The following ZCCHC7 variants were observed in gnomAD, a reference collection of about 807,000 sequenced individuals.
ZCCHC7 encodes zinc finger CCHC-type containing 7.
In ZCCHC7, 35 loss-of-function variants were observed where a neutral mutation model predicts 52.0. That is an observed-to-expected ratio of 0.67 (90% CI 0.51 to 0.89). The LOEUF is 0.89. ZCCHC7 is among the 40% of genes least tolerant of loss of function. The probability of loss-of-function intolerance (pLI) is 0.00; values close to 1 mark genes in which losing one functional copy is unlikely to be tolerated. For missense variants in ZCCHC7, 574 were observed against 649.1 expected, an observed-to-expected ratio of 0.88 and a Z score of 1.26; for synonymous variants, 217 against 221.5, an observed-to-expected ratio of 0.98 and a Z score of 0.18.
intron 5 of ZCCHC7, among the ~76,000 whole-genome samples, chr9:37,324,396 T>C (rs996089236): frequency 6.6e-6 from 1 of 152,228 alleles, no homozygotes; most frequent in Non-Finnish European, 1.5e-5. Flanking sequence ...CATTCTGTTA[T>C]TGTATGCTTG....
chr9:37,174,993 C>T (rs909372989), intron 2 of ZCCHC7, among the ~76,000 whole-genome samples: 6 of 151,888 alleles, frequency 4.0e-5, no homozygotes, highest in East Asian at 1.9e-4. Flanking sequence ...AAAAATTAGC[C>T]GGGCATGGTG....
chr9:37,163,185 G>A (rs1240419653), intron 2 of ZCCHC7, among the ~76,000 whole-genome samples: 1 of 151,780 alleles, frequency 6.6e-6, no homozygotes, highest in Non-Finnish European at 1.5e-5. Context: ...TGGCAACAGA[G>A]TGAGACTCTG....
At chr9:37,338,254 GCTT>G (rs1382827358) in intron 6 of ZCCHC7, among the ~76,000 whole-genome samples, 1 of 152,044 alleles carries the variant, frequency 6.6e-6, no homozygotes, top group African/African-American at 2.4e-5. Flanking sequence ...TAAAACTCGT[GCTT>G]CTTTTTAGTT....
At chr9:37,321,544 G>T (rs977224171) in intron 5 of ZCCHC7, among the ~76,000 whole-genome samples, 1 of 152,056 alleles carries the variant, frequency 6.6e-6, no homozygotes, top group Non-Finnish European at 1.5e-5. Context: ...TGAAAAGATC[G>T]CCTGGGGCCA....
chr9:37,153,557 T>G (rs1336890364), intron 2 of ZCCHC7, among the ~76,000 whole-genome samples: 1 of 151,854 alleles, frequency 6.6e-6, no homozygotes, highest in African/African-American at 2.4e-5. Context: ...CAAGTGATTC[T>G]CCTGCCTCGG....
At chr9:37,296,881 T>TGTGTGTGTGTGTGTGTGTG in intron 2 of ZCCHC7, among the ~76,000 whole-genome samples, 1 of 124,136 alleles carries the variant, frequency 8.1e-6, no homozygotes. Flanking sequence ...CCTGGCTAGT[T>TGTGTGTGTGTGTGTGTGTG]TGTGTGTGTG....
intron 2 of ZCCHC7, among the ~76,000 whole-genome samples, chr9:37,191,654 A>G (rs1823026972): frequency 6.6e-6 from 1 of 152,182 alleles, no homozygotes; most frequent in South Asian, 2.1e-4. Context: ...ATTTAAATTA[A>G]TCCGATTATA....
chr9:37,280,339 G>A (rs1449726257), intron 2 of ZCCHC7, among the ~76,000 whole-genome samples: 2 of 152,154 alleles, frequency 1.3e-5, no homozygotes, highest in Admixed American at 6.5e-5. Flanking sequence ...AAAACTACCA[G>A]TAAGGACATA....
chr9:37,225,239 C>A (rs1040497491), intron 2 of ZCCHC7, among the ~76,000 whole-genome samples: 2 of 152,002 alleles, frequency 1.3e-5, no homozygotes, highest in Non-Finnish European at 2.9e-5. Context: ...GGACAAATTC[C>A]TTGAAAGTTA....
intron 2 of ZCCHC7, among the ~76,000 whole-genome samples, chr9:37,142,885 C>A: frequency 6.6e-6 from 1 of 151,808 alleles, no homozygotes; most frequent in Non-Finnish European, 1.5e-5. Context: ...CAGAAGTATA[C>A]AGCTTTAAAA....
chr9:37,249,195 T>C (rs1826204925), intron 2 of ZCCHC7, among the ~76,000 whole-genome samples: 1 of 152,164 alleles, frequency 6.6e-6, no homozygotes, highest in South Asian at 2.1e-4. Flanking sequence ...TGTGACAATA[T>C]CTTGGTAGTG....
chr9:37,271,878 TC>T (rs1273084284), intron 2 of ZCCHC7, among the ~76,000 whole-genome samples: 1 of 152,204 alleles, frequency 6.6e-6, no homozygotes. Context: ...CCATTATTTA[TC>T]TTTTAGACAT....
chr9:37,133,376 CTTTTTTTT>C lies in ZCCHC7; in HGVS notation c.610+6443_610+6450del, dbSNP rs778044762. ...AATTTTTTTTGGTCTGGAATATTTT[CTTTTTTTT>C]TTTTTTTTGAGACACAGTCTTGCTC... On this transcript the variant is annotated intron_variant, in intron 2 of 8. Transcript: ENST00000336755. 2.1e-4 allele frequency among the ~76,000 whole-genome samples: 28 copies of C among 134,546 alleles called. No individual in the cohort carries two copies. In the East Asian group the frequency reaches 5.6e-3, roughly 27 times the overall value. The allele number at this position is 134,546 out of a possible 152,430, so 88.3% of individuals were successfully genotyped here.
rs1469518195 is a variant in ZCCHC7 at position 37,143,537 on chromosome 9, A to T, written c.610+16595A>T. ...TGAAAAATAATATTCTGTGTATGAA[A>T]GAAAATAGGAGGTGAGAACAGAATG... On this transcript the variant is annotated intron_variant, in intron 2 of 8. Transcript: ENST00000336755. 2.6e-5 allele frequency among the ~76,000 whole-genome samples: 4 copies of T among 151,646 alleles called. No individual in the cohort carries two copies. The East Asian group carries it at 5.8e-4, about 22-fold the overall frequency.
chr9:37,341,155 G>A (rs1028800650), intron 6 of ZCCHC7, among the ~76,000 whole-genome samples: 1 of 152,060 alleles, frequency 6.6e-6, no homozygotes, highest in Non-Finnish European at 1.5e-5. Context: ...TGTTCACTTG[G>A]CATTACTAAT....
At chr9:37,167,143 C>T (rs12348141) in intron 2 of ZCCHC7, among the ~76,000 whole-genome samples, 86,252 of 151,780 alleles carry the variant, frequency 0.57, 25,156 homozygotes, top group African/African-American at 0.7. Context: ...TTATTTTTTA[C>T]TTTTTTCTCT....
chr9:37,304,781 G>A (rs951105840), intron 4 of ZCCHC7, among the ~76,000 whole-genome samples: 15 of 152,116 alleles, frequency 9.9e-5, no homozygotes, highest in African/African-American at 3.6e-4. Context: ...TAAATTTGGA[G>A]TCAGAAAAAT....
At chr9:37,156,774 G>A (rs1218465002) in intron 2 of ZCCHC7, among the ~76,000 whole-genome samples, 1 of 152,248 alleles carries the variant, frequency 6.6e-6, no homozygotes, top group East Asian at 1.9e-4. Flanking sequence ...CTCTGCATTT[G>A]TTAAAATAGT....
intron 6 of ZCCHC7, among the ~76,000 whole-genome samples, chr9:37,332,504 T>C (rs944127501): frequency 7.3e-5 from 11 of 151,626 alleles, no homozygotes; most frequent in Admixed American, 6.6e-4. Flanking sequence ...TAAATACTTA[T>C]CTTGTTCTTA....
Sources: allele counts gnomAD v4.1 joint callset (sites outside exome capture counted in the v4.1 genomes callset), GRCh38; gene constraint gnomAD v4.1.1; transcripts MANE v1.5; gene names NCBI Gene and HGNC (gene_info 2026-07-23, HGNC 2026-07-21).